SGCZ: variants seen among roughly 807,000 people sequenced by gnomAD.
SGCZ encodes the protein sarcoglycan zeta, also known as zeta-sarcoglycan.
Under a neutral mutation model 41.3 loss-of-function variants are expected in SGCZ, and 40 were observed. The observed-to-expected ratio is 0.97, with a 90% CI of 0.75 to 1.26. The LOEUF (loss-of-function observed/expected upper bound fraction) is 1.26, where lower values mean the gene tolerates loss of function less well. SGCZ is among the 50% of genes most tolerant of loss of function. The probability of loss-of-function intolerance (pLI) is 0.00; values close to 1 mark genes in which losing one functional copy is unlikely to be tolerated. For synonymous variants in SGCZ, 206 were observed against 137.5 expected, an observed-to-expected ratio of 1.50 and a Z score of -3.49; for missense variants, 552 against 369.8, an observed-to-expected ratio of 1.49 and a Z score of -4.04.
chr8:14,180,867 T>C (rs1282357191), intron 4 of SGCZ, among the ~76,000 whole-genome samples: 1 of 151,658 alleles, frequency 6.6e-6, no homozygotes, highest in African/African-American at 2.4e-5. Context: ...AGTGCCCCCA[T>C]ACTAGATTGG....
chr8:14,362,090 TG>T (rs1260010288), intron 2 of SGCZ, among the ~76,000 whole-genome samples: 1 of 152,096 alleles, frequency 6.6e-6, no homozygotes, highest in Admixed American at 6.6e-5. Flanking sequence ...CTGTTTGAGG[TG>T]TCTGTCAGCC....
At chr8:14,095,780 G>A (rs1801824968) in intron 7 of SGCZ, among the ~76,000 whole-genome samples, 1 of 152,074 alleles carries the variant, frequency 6.6e-6, no homozygotes. Flanking sequence ...TTATTTCCCT[G>A]AGCAGTGGCT....
chr8:14,446,278 T>G (rs1159127672), intron 2 of SGCZ, among the ~76,000 whole-genome samples: 1 of 152,324 alleles, frequency 6.6e-6, no homozygotes, highest in Middle Eastern at 3.4e-3. Context: ...TGGTTTTACC[T>G]ACTGCTGTCA....
intron 7 of SGCZ, among the ~76,000 whole-genome samples, chr8:14,099,063 G>A (rs999327539): frequency 3.9e-5 from 6 of 152,084 alleles, no homozygotes; most frequent in Admixed American, 1.3e-4. Context: ...TGATTCATAT[G>A]GAGTACTTAG....
intron 1 of SGCZ, among the ~76,000 whole-genome samples, chr8:14,882,337 T>TA (rs1804623574): frequency 6.6e-6 from 1 of 152,106 alleles, no homozygotes; most frequent in African/African-American, 2.4e-5. Context: ...TTTAAAAAAA[T>TA]AAAAAATATT....
chr8:14,680,056 G>C (rs377197789), intron 1 of SGCZ, among the ~76,000 whole-genome samples: 3 of 152,004 alleles, frequency 2.0e-5, no homozygotes, highest in East Asian at 1.9e-4. Flanking sequence ...CATAATATTT[G>C]CACAATGATG....
chr8:14,172,749 G>A (rs1804425480), intron 4 of SGCZ, among the ~76,000 whole-genome samples: 1 of 152,088 alleles, frequency 6.6e-6, no homozygotes, highest in Non-Finnish European at 1.5e-5. Context: ...GAGGAGAGAT[G>A]AGATTTCAGG....
intron 1 of SGCZ, among the ~76,000 whole-genome samples, chr8:15,078,062 G>T (rs188897532): frequency 6.6e-6 from 1 of 151,490 alleles, no homozygotes; most frequent in East Asian, 1.9e-4. Context: ...CATGCCTTAC[G>T]TGGGAGGAGG....
chr8:14,404,118 G>A (rs939962402), intron 2 of SGCZ, among the ~76,000 whole-genome samples: 5 of 152,056 alleles, frequency 3.3e-5, no homozygotes, highest in Admixed American at 1.3e-4. Flanking sequence ...TGCCAGAGGT[G>A]GAGATGCATT....
At chr8:14,584,130 C>T (rs937871359) in intron 1 of SGCZ, among the ~76,000 whole-genome samples, 1 of 151,996 alleles carries the variant, frequency 6.6e-6, no homozygotes, top group Admixed American at 6.6e-5. Flanking sequence ...GAAATCACTG[C>T]TACAAACCAC....
At chr8:14,426,179 T>C (rs1363154882) in intron 2 of SGCZ, among the ~76,000 whole-genome samples, 2 of 152,126 alleles carry the variant, frequency 1.3e-5, no homozygotes, top group Non-Finnish European at 2.9e-5. Context: ...AAATTTATCT[T>C]CCATTAAGCT....
rs137996503 is a variant in SGCZ, at chr8:14,645,482, ATG to A, written c.40-90558_40-90557del. Among the ~76,000 whole-genome samples, 19 of 106,978 alleles carry A rather than the reference ATG, an allele frequency of 1.8e-4. No homozygotes were observed. The East Asian group carries it at 4.2e-3, about 23-fold the overall frequency. The allele number at this position is 106,978 out of a possible 152,430, so 70.2% of individuals were successfully genotyped here. A position where few individuals can be genotyped will look rare whatever the true frequency, so the allele number is the denominator to read the frequency against. The stretch of plus-strand genomic sequence containing the variant: ...TCATTGATTATATATATATATTTAT[ATG>A]TATATATATATATATATGGCACATA... On this transcript the variant is annotated intron_variant, in intron 1 of 7. Transcript: ENST00000382080.
intron 1 of SGCZ, among the ~76,000 whole-genome samples, chr8:15,054,305 A>G (rs1202400092): frequency 1.3e-5 from 2 of 152,310 alleles, no homozygotes; most frequent in East Asian, 3.9e-4. Flanking sequence ...GAGTCAGTTC[A>G]GCTCAATACA....
chr8:14,606,371 G>T (rs1272919424), intron 1 of SGCZ, among the ~76,000 whole-genome samples: 1 of 152,102 alleles, frequency 6.6e-6, no homozygotes, highest in Admixed American at 6.6e-5. Flanking sequence ...AGCCACAATG[G>T]CTTTGTAATT....
chr8:14,371,218 G>C (rs1803898176), intron 2 of SGCZ, among the ~76,000 whole-genome samples: 2 of 151,784 alleles, frequency 1.3e-5, no homozygotes, highest in African/African-American at 4.8e-5. Context: ...GTCCAAAAAA[G>C]CTTATAATTT....
Position 15,086,105 on chromosome 8 carries a change from C to A in SGCZ, c.39+151480G>T, listed in dbSNP as rs374272845. Among the ~76,000 whole-genome samples the A allele has an allele frequency of 1.9e-4, 29 of 152,246 alleles. 1 individual carries two copies. The highest frequency in any genetic ancestry group is 7.0e-4 in the African/African-American group (29 of 41,562). ...CATAATAAAATCTAAACTTAATTAG[C>A]ATTCTTCAGATAAAGAATACTATTT... is the stretch of plus-strand genomic sequence containing the variant. On this transcript the variant is annotated intron_variant, in intron 1 of 7. Transcript: ENST00000382080.
intron 2 of SGCZ, among the ~76,000 whole-genome samples, chr8:14,443,211 A>G (rs867705533): frequency 2.2e-4 from 34 of 152,228 alleles, no homozygotes; most frequent in South Asian, 4.2e-4. Flanking sequence ...GGAAGAATCA[A>G]TATTGTGAAA....
chr8:14,484,366 A>C (rs141668606), intron 2 of SGCZ, among the ~76,000 whole-genome samples: 7 of 152,346 alleles, frequency 4.6e-5, no homozygotes, highest in African/African-American at 1.4e-4. Flanking sequence ...TAGTGACCAC[A>C]GCAAGTCATA....
chr8:14,125,895 T>C (rs1476497396), intron 5 of SGCZ, among the ~76,000 whole-genome samples: 1 of 152,140 alleles, frequency 6.6e-6, no homozygotes, highest in African/African-American at 2.4e-5. Flanking sequence ...ATTCAATAAA[T>C]GGTTGGTGCT....
Sources: allele counts gnomAD v4.1 joint callset (sites outside exome capture counted in the v4.1 genomes callset), GRCh38; gene constraint gnomAD v4.1.1; transcripts MANE v1.5; gene names NCBI Gene and HGNC (gene_info 2026-07-23, HGNC 2026-07-21).